USP37: variants seen among roughly 807,000 people sequenced by gnomAD.
USP37 encodes ubiquitin specific peptidase 37, also known as ubiquitin carboxyl-terminal hydrolase 37.
Under a neutral mutation model 124.0 loss-of-function variants are expected in USP37, and 27 were observed. The ratio of observed to expected loss-of-function variants is 0.22; its 90% confidence interval spans 0.16 to 0.30. The LOEUF is 0.30. Ranked by LOEUF, USP37 falls within the 10% of genes least tolerant of loss-of-function variation. The pLI, the probability that USP37 is intolerant of heterozygous loss-of-function variation, is 1.00. For synonymous variants in USP37, 365 were observed against 388.0 expected, an observed-to-expected ratio of 0.94 and a Z score of 0.70; for missense variants, 889 against 1,140.4, an observed-to-expected ratio of 0.78 and a Z score of 3.17.
intron 8 of USP37, 97 bp from the exon 9 acceptor site, chr2:218,534,803 C>T (rs1255419030): frequency 2.9e-6 from 2 of 695,012 alleles, no homozygotes; most frequent in South Asian, 4.2e-5. Context: ...ATTTAAAGTG[C>T]CAAATTCATT....
In USP37 at chr2:218,485,809, T is replaced by C. The variant is rs942360495; in HGVS notation, c.1591-66A>G. 1.4e-5 allele frequency: 21 copies of C among 1,541,568 alleles called. No homozygotes were observed. In the African/African-American group the frequency reaches 1.5e-4, roughly 11 times the overall value. On this transcript the variant is annotated intron_variant, in intron 15 of 25. Transcript: ENST00000258399. ...CATTAGTATCTTAAATGCAAATAATTTGCTCTAGTCTTATTAGTTCCATTA... is the reference window on the plus strand; with the variant it reads ...CATTAGTATCTTAAATGCAAATAATCTGCTCTAGTCTTATTAGTTCCATTA...
At chr2:218,515,263 A>G (rs1248342916) in intron 10 of USP37, among the ~76,000 whole-genome samples, 1 of 152,130 alleles carries the variant, frequency 6.6e-6, no homozygotes, top group Non-Finnish European at 1.5e-5. Flanking sequence ...AAAAGAACAA[A>G]GCTGGAGGCA....
intron 11 of USP37, among the ~76,000 whole-genome samples, chr2:218,505,967 A>C (rs983902652): frequency 4.0e-5 from 6 of 151,868 alleles, no homozygotes; most frequent in Non-Finnish European, 7.4e-5. Context: ...GGACTCAAGC[A>C]AGCCTCTTGC....
chr2:218,512,645 T>C (rs1043896835), intron 10 of USP37, among the ~76,000 whole-genome samples: 6 of 152,202 alleles, frequency 3.9e-5, no homozygotes, highest in African/African-American at 1.2e-4. Context: ...CTTATTAGTG[T>C]CTAAACCCCA....
chr2:218,485,894 C>T, intron 15 of USP37, 151 bp from the exon 16 acceptor site: 1 of 725,978 alleles, frequency 1.4e-6, no homozygotes, highest in Non-Finnish European at 2.2e-6. Context: ...TGAGCCTTAC[C>T]AAATTAAGAC....
chr2:218,498,160 G>T lies in USP37; in HGVS notation c.1026-3C>A. ...AGGTATTTCCCAAATTGGAGAAGCTGAAAATTAAAGAAATAGTGCTTTAGA... is the reference window on the plus strand; with the variant it reads ...AGGTATTTCCCAAATTGGAGAAGCTTAAAATTAAAGAAATAGTGCTTTAGA... On this transcript the variant is annotated splice_polypyrimidine_tract_variant and splice_region_variant and intron_variant, in intron 11 of 25. Coordinates refer to ENST00000258399, the MANE Select transcript of USP37 (RefSeq NM_020935.3). The T allele has an allele frequency of 6.3e-7, 1 of 1,585,678 alleles. No individual in the cohort carries two copies. Among genetic ancestry groups the T allele is most frequent in the South Asian group, 1.2e-5 (1 of 86,450 alleles).
intron 7 of USP37, 141 bp from the exon 8 acceptor site, chr2:218,546,439 A>G (rs543462246): frequency 1.5e-4 from 96 of 641,344 alleles, no homozygotes; most frequent in Non-Finnish European, 6.3e-5. Context: ...ATTATTTTCC[A>G]GACAGTCTCG....
At chr2:218,475,966 T>C (rs192199345) in intron 19 of USP37, among the ~76,000 whole-genome samples, 14 of 152,026 alleles carry the variant, frequency 9.2e-5, no homozygotes, top group African/African-American at 3.4e-4. Flanking sequence ...AAAGTTGTTT[T>C]CTGGGAGAAT....
At chr2:218,469,160 C>T (rs777076406) in intron 20 of USP37, among the ~76,000 whole-genome samples, 17 of 152,030 alleles carry the variant, frequency 1.1e-4, no homozygotes, top group South Asian at 2.1e-4. Context: ...TGGAAAAATC[C>T]CAATTGTTCA....
chr2:218,550,045 C>A, intron 5 of USP37, 136 bp from the exon 6 acceptor site: 1 of 561,900 alleles, frequency 1.8e-6, no homozygotes, highest in Non-Finnish European at 2.9e-6. Context: ...AATCAAAGTG[C>A]CTATCAACCA....
At chr2:218,535,660 T>C (rs893724834) in intron 8 of USP37, among the ~76,000 whole-genome samples, 13 of 151,870 alleles carry the variant, frequency 8.6e-5, no homozygotes, top group Admixed American at 4.6e-4. Flanking sequence ...ATCAAGACCA[T>C]CCTGGTTAAC....
chr2:218,520,316 C>G (rs1156659888), intron 10 of USP37, among the ~76,000 whole-genome samples: 1 of 149,156 alleles, frequency 6.7e-6, no homozygotes, highest in Admixed American at 6.7e-5. Flanking sequence ...TCATCTAATA[C>G]CTGACTCATA....
At chr2:218,529,834 C>T in intron 10 of USP37, 122 bp downstream of exon 10, 2 of 707,966 alleles carry the variant, frequency 2.8e-6, no homozygotes, top group Non-Finnish European at 4.5e-6. Flanking sequence ...CTATGAGTCT[C>T]GTCAATTTTG....
At chr2:218,495,675 C>T in intron 14 of USP37, 85 bp downstream of exon 14, 2 of 1,406,026 alleles carry the variant, frequency 1.4e-6, no homozygotes, top group Non-Finnish European at 1.9e-6. Flanking sequence ...GAAAAGAATT[C>T]ATGGCATTTG....
chr2:218,550,852 T>C (rs756763840), intron 5 of USP37, among the ~76,000 whole-genome samples: 1 of 152,102 alleles, frequency 6.6e-6, no homozygotes, highest in African/African-American at 2.4e-5. Flanking sequence ...AAATAGGTCT[T>C]TGTATATTAG....
In USP37 at chr2:218,501,841, GTGAAACTCAGTCTTCT is replaced by G. The variant is rs370628478; in HGVS notation, c.1026-3700_1026-3685del. Among the ~76,000 whole-genome samples the G allele has an allele frequency of 4.0e-3, 605 of 152,346 alleles. 4 individuals are homozygous for G. The highest frequency in any genetic ancestry group is 0.013 in the African/African-American group (557 of 41,586). ...CTGAATACCAACCTGTGTATGCAGA[GTGAAACTCAGTCTTCT>G]TGACACTAATCAAGAACAACTTCAA... On this transcript the variant is annotated intron_variant, in intron 11 of 25. Coordinates refer to ENST00000258399, the MANE Select transcript of USP37 (RefSeq NM_020935.3).
At chr2:218,479,508 A>G (rs1691136050) in intron 18 of USP37, 142 bp downstream of exon 18, 1 of 659,794 alleles carries the variant, frequency 1.5e-6, no homozygotes, top group Non-Finnish European at 2.6e-6. Context: ...CAAATTCAGG[A>G]AAGTTTCAAA....
chr2:218,554,590 G>A (rs1692854004), intron 4 of USP37, among the ~76,000 whole-genome samples: 1 of 151,966 alleles, frequency 6.6e-6, no homozygotes, highest in African/African-American at 2.4e-5. Flanking sequence ...CTACTAAAAA[G>A]ACAAAAAGTA....
At chr2:218,497,943 A>G in intron 12 of USP37, 83 bp downstream of exon 12, 1 of 1,571,714 alleles carries the variant, frequency 6.4e-7, no homozygotes. Context: ...ATGGCACAGA[A>G]AATTTTTGAG....
Sources: allele counts gnomAD v4.1 joint callset (sites outside exome capture counted in the v4.1 genomes callset), GRCh38; gene constraint gnomAD v4.1.1; transcripts MANE v1.5; gene names NCBI Gene and HGNC (gene_info 2026-07-23, HGNC 2026-07-21).